Variants in CLPB observed in about 807,000 individuals in gnomAD.
CLPB encodes mitochondrial disaggregase.
In CLPB, 40 loss-of-function variants were observed where a neutral mutation model predicts 78.4. The ratio of observed to expected loss-of-function variants is 0.51; its 90% CI spans 0.40 to 0.66. The LOEUF (loss-of-function observed/expected upper bound fraction) is 0.66. CLPB is among the 30% of genes least tolerant of loss of function. The pLI is 0.00. For missense variants in CLPB, 780 were observed against 886.9 expected (o/e 0.88, Z 1.53); for synonymous variants, 333 against 348.0 (o/e 0.96, Z 0.48).
intron 3 of CLPB, among the ~76,000 whole-genome samples, chr11:72,394,562 C>T (rs1471640789): frequency 6.6e-6 from 1 of 152,216 alleles, no homozygotes; most frequent in Non-Finnish European, 1.5e-5. Flanking sequence ...GGCAAATGAG[C>T]TGGCACTGAT....
At chr11:72,302,426 A>AAGGAGGTGAGGTTAGGGAGGAGAGC (rs1949674977) in intron 9 of CLPB, 78 bp from the exon 10 acceptor site, 2 of 1,239,524 alleles carry the variant, frequency 1.6e-6, no homozygotes, top group South Asian at 2.4e-5. Flanking sequence ...AGAGCACCTC[A>AAGGAGGTGAGGTTAGGGAGGAGAGC]ACTATCCCCA....
chr11:72,400,793 T>A (rs1361692446), intron 3 of CLPB, among the ~76,000 whole-genome samples: 1 of 152,168 alleles, frequency 6.6e-6, no homozygotes, highest in African/African-American at 2.4e-5. Flanking sequence ...TATTTGATTC[T>A]CCAAAGAATA....
At chr11:72,339,849 C>T (rs536935251) in intron 5 of CLPB, among the ~76,000 whole-genome samples, 7 of 152,146 alleles carry the variant, frequency 4.6e-5, no homozygotes, top group Non-Finnish European at 7.3e-5. Flanking sequence ...TTCAAAAATG[C>T]GTTTGGTTAC....
At chr11:72,330,047 A>T (rs1950196780) in intron 5 of CLPB, among the ~76,000 whole-genome samples, 1 of 152,238 alleles carries the variant, frequency 6.6e-6, no homozygotes, top group South Asian at 2.1e-4. Context: ...CTAAGAAAGT[A>T]TGCCAAACAA....
At chr11:72,347,332 T>A in intron 5 of CLPB, among the ~76,000 whole-genome samples, 1 of 152,106 alleles carries the variant, frequency 6.6e-6, no homozygotes, top group East Asian at 1.9e-4. Context: ...GCAAGGTGGC[T>A]CATAACTCCA....
At chr11:72,337,077 T>C (rs1265132406) in intron 5 of CLPB, 1 of 398,542 alleles carries the variant, frequency 2.5e-6, no homozygotes, top group Non-Finnish European at 4.4e-6. Context: ...ACATCCAGTA[T>C]GTATGGGGCT....
chr11:72,310,878 CA>C (rs1555088209), intron 7 of CLPB: 1 of 152,058 alleles, frequency 6.6e-6, no homozygotes, highest in Non-Finnish European at 1.5e-5. Context: ...ACAAAAACAC[CA>C]TGGAGAATGA....
chr11:72,378,397 C>T (rs917050408), intron 4 of CLPB, among the ~76,000 whole-genome samples: 1 of 152,170 alleles, frequency 6.6e-6, no homozygotes, highest in African/African-American at 2.4e-5. Flanking sequence ...AGGTAAAAGG[C>T]ACTTCTTACA....
At chr11:72,347,909 G>A (rs942255872) in intron 5 of CLPB, among the ~76,000 whole-genome samples, 37 of 152,250 alleles carry the variant, frequency 2.4e-4, no homozygotes, top group African/African-American at 8.4e-4. Context: ...AGATTCAACC[G>A]GTCATTGCTG....
At chr11:72,379,300 T>G (rs967640338) in intron 4 of CLPB, among the ~76,000 whole-genome samples, 1 of 152,192 alleles carries the variant, frequency 6.6e-6, no homozygotes, top group African/African-American at 2.4e-5. Context: ...AAGCAGCCAC[T>G]GCTCAGCCAC....
chr11:72,397,299 G>C lies in CLPB; in HGVS notation c.542+5667C>G, dbSNP rs1422242080. On this transcript the variant is annotated intron_variant, in intron 3 of 15. Coordinates refer to ENST00000538039, the MANE Select transcript of CLPB (RefSeq NM_001258392.3). ...GTTGATGGACATTGCATTATATCCA[G>C]TTTTTGGTGGTCATGAATAAAGCTG... Among the ~76,000 whole-genome samples, 3 of 152,296 alleles carry C rather than the reference G, an allele frequency of 2.0e-5. No individual in the cohort carries two copies. In the East Asian group the frequency reaches 5.8e-4, roughly 29 times the overall value.
At chr11:72,378,274 T>C (rs1201851634) in intron 4 of CLPB, among the ~76,000 whole-genome samples, 1 of 152,238 alleles carries the variant, frequency 6.6e-6, no homozygotes, top group Admixed American at 6.5e-5. Context: ...AGAGCACCTG[T>C]ATTAGTTCGT....
chr11:72,383,712 A>G (rs1854990384), intron 3 of CLPB, among the ~76,000 whole-genome samples: 1 of 152,104 alleles, frequency 6.6e-6, no homozygotes. Context: ...AACCCTGCCA[A>G]CTAAGAAGAC....
In CLPB at chr11:72,295,770, A is replaced by G. The variant is rs139748095; in HGVS notation, c.1330-122T>C. ...GAGCCCTGTGTCTCCCTCCAGCCCC[A>G]GCAGCCAGCTGCTTCCTCCTCTGGG... On this transcript the variant is annotated intron_variant, in intron 11 of 15. Coordinates refer to ENST00000538039, the MANE Select transcript of CLPB (RefSeq NM_001258392.3). 1.5e-3 allele frequency: 1,420 copies of G among 931,218 alleles called. 14 individuals carry two copies. The African/African-American group carries it at 0.021, about 14-fold the overall frequency. The allele number at this position is 931,218 out of a possible 1,614,324, so 57.7% of individuals were successfully genotyped here.
intron 4 of CLPB, among the ~76,000 whole-genome samples, chr11:72,369,061 A>C (rs1395314628): frequency 6.6e-6 from 1 of 152,172 alleles, no homozygotes; most frequent in African/African-American, 2.4e-5. Context: ...ACCTCCATGA[A>C]AGGGAAGGGG....
chr11:72,300,232 G>A (rs75610917), intron 11 of CLPB, among the ~76,000 whole-genome samples: 2,681 of 152,234 alleles, frequency 0.018, 40 homozygotes, highest in East Asian at 0.067. Context: ...TTCAATGGAG[G>A]CCGTAATAAT....
At chr11:72,297,727 A>C (rs1949582317) in intron 11 of CLPB, among the ~76,000 whole-genome samples, 1 of 115,180 alleles carries the variant, frequency 8.7e-6, no homozygotes, top group African/African-American at 3.0e-5. Flanking sequence ...TGTGCATATG[A>C]CTGTGTGTGT....
chr11:72,402,465 A>G (rs1855591086), intron 3 of CLPB, among the ~76,000 whole-genome samples: 1 of 152,202 alleles, frequency 6.6e-6, no homozygotes, highest in Admixed American at 6.5e-5. Flanking sequence ...ATCTTTATAC[A>G]ATAGCTACAA....
At chr11:72,406,218 A>T (rs1250549529) in intron 2 of CLPB, among the ~76,000 whole-genome samples, 2 of 152,194 alleles carry the variant, frequency 1.3e-5, no homozygotes, top group African/African-American at 4.8e-5. Context: ...AGGAGGGTGC[A>T]GCTAGGATAA....
Sources: allele counts gnomAD v4.1 joint callset (sites outside exome capture counted in the v4.1 genomes callset), GRCh38; gene constraint gnomAD v4.1.1; transcripts MANE v1.5; gene names NCBI Gene and HGNC (gene_info 2026-07-23, HGNC 2026-07-21).